TET3: variants seen among roughly 807,000 people sequenced by gnomAD.
TET3 encodes the protein tet methylcytosine dioxygenase 3.
In TET3, 19 loss-of-function variants were observed where a neutral mutation model predicts 141.4. The ratio of observed to expected loss-of-function variants is 0.13; its 90% CI spans 0.09 to 0.20. The LOEUF (loss-of-function observed/expected upper bound fraction) is 0.20. Among genes scored for constraint, TET3 ranks in the 10% least tolerant of loss-of-function variants. The pLI is 1.00. For missense variants in TET3, 1,874 were observed against 2,356.9 expected (o/e 0.80, Z 4.24); for synonymous variants, 1,043 against 980.9 (o/e 1.06, Z -1.18).
intron 3 of TET3, among the ~76,000 whole-genome samples, chr2:74,035,586 G>A (rs1055946130): frequency 1.3e-4 from 19 of 151,976 alleles, no homozygotes; most frequent in African/African-American, 4.4e-4. Context: ...AATGAGCTGG[G>A]CATGGTGGTG....
intron 6 of TET3, among the ~76,000 whole-genome samples, chr2:74,085,769 C>T (rs773701851): frequency 6.6e-6 from 1 of 152,182 alleles, no homozygotes; most frequent in Non-Finnish European, 1.5e-5. Flanking sequence ...AGTACAGGTC[C>T]GCACCCTGGG....
chr2:74,105,393 A>C lies in TET3; in HGVS notation c.*3217A>C, dbSNP rs1691438006. On this transcript the variant is annotated 3_prime_UTR_variant, in exon 12 of 12. Coordinates refer to ENST00000409262, the MANE Select transcript of TET3 (RefSeq NM_001287491.2). The stretch of plus-strand genomic sequence containing the variant: ...TGTGCTACGAGATTTTTAAAATAAA[A>C]ATCGCTTCGCAGCAGGTTCTCACAA... The C allele has an allele frequency of 1.5e-5, 6 of 398,618 alleles. No individual in the cohort carries two copies. In the East Asian group the frequency reaches 2.1e-4, roughly 14 times the overall value. The allele number at this position is 398,618 out of a possible 1,614,324, so 24.7% of individuals were successfully genotyped here. A position where few individuals can be genotyped will look rare whatever the true frequency, so the allele number is the denominator to read the frequency against.
intron 3 of TET3, among the ~76,000 whole-genome samples, chr2:74,043,099 A>C (rs1182725405): frequency 6.6e-6 from 1 of 152,144 alleles, no homozygotes; most frequent in Non-Finnish European, 1.5e-5. Context: ...TCTCCCTGAC[A>C]CTGTTTTTGT....
intron 3 of TET3, among the ~76,000 whole-genome samples, chr2:74,040,524 C>G (rs1573762602): frequency 6.6e-6 from 1 of 152,008 alleles, no homozygotes; most frequent in Admixed American, 6.6e-5. Flanking sequence ...AGGGAGAGTT[C>G]AGTTCTGTTT....
Position 74,102,443 on chromosome 2 carries a change from A to C in TET3, c.*267A>C. On this transcript the variant is annotated 3_prime_UTR_variant, in exon 12 of 12. Coordinates refer to ENST00000409262, the MANE Select transcript of TET3 (RefSeq NM_001287491.2). ...CGTGATCTTAATATTTATATCTCCA[A>C]GTTGTCCCCCCCCCTTGTCTGGGGG... The C allele has an allele frequency of 3.2e-6, 1 of 317,276 alleles. No individual in the cohort carries two copies. The highest frequency in any genetic ancestry group is 5.5e-6 in the Non-Finnish European group (1 of 183,250). The allele number at this position is 317,276 out of a possible 1,614,324, so 19.7% of individuals were successfully genotyped here.
At chr2:74,064,091 G>A (rs771671485) in intron 4 of TET3, among the ~76,000 whole-genome samples, 3 of 152,262 alleles carry the variant, frequency 2.0e-5, no homozygotes, top group Admixed American at 6.5e-5. Context: ...TCAGTTGGAA[G>A]AAGTGTGAGC....
chr2:74,027,993 T>G (rs1229801756), intron 3 of TET3, among the ~76,000 whole-genome samples: 2 of 151,750 alleles, frequency 1.3e-5, no homozygotes, highest in Non-Finnish European at 2.9e-5. Context: ...TTTTTTCACT[T>G]TTTTTTTAAG....
At chr2:74,080,695 A>T in intron 6 of TET3, 104 bp downstream of exon 6, 31 of 171,820 alleles carry the variant, frequency 1.8e-4, no homozygotes, top group Non-Finnish European at 3.2e-4. Flanking sequence ...TGAGCAGGCG[A>T]GGGCGGGGGG....
intron 3 of TET3, among the ~76,000 whole-genome samples, chr2:74,014,569 CT>C (rs1685633698): frequency 6.6e-6 from 1 of 151,754 alleles, no homozygotes; most frequent in Non-Finnish European, 1.5e-5. Context: ...TTTTCTTTTT[CT>C]TTTTTACCCT....
chr2:74,081,007 G>T (rs1174205993), intron 6 of TET3, among the ~76,000 whole-genome samples: 2 of 152,182 alleles, frequency 1.3e-5, no homozygotes, highest in African/African-American at 4.8e-5. Flanking sequence ...ATGTGCCCTG[G>T]AGCTGCCAGT....
intron 2 of TET3, among the ~76,000 whole-genome samples, chr2:73,996,596 A>T (rs528318423): frequency 6.6e-6 from 1 of 152,112 alleles, no homozygotes; most frequent in Admixed American, 6.5e-5. Flanking sequence ...GCTACCTCCA[A>T]TCCTGGATTT....
Position 74,080,552 on chromosome 2 carries a change from G to C in TET3, c.2640G>C (p.Lys880Asn), listed in dbSNP as rs189016955. The C allele has an allele frequency of 6.2e-7, 1 of 1,613,638 alleles. No homozygotes were observed. The highest frequency in any genetic ancestry group is 8.5e-7 in the Non-Finnish European group (1 of 1,179,732). The change falls in exon 6 of 12, where the codon AAG becomes AAC. Residue 880 changes from lysine to asparagine, a missense_variant. Lys to Asn is a moderately conservative substitution (Grantham distance 94). Transcript: ENST00000409262. ...IRIEKVIYTG[K>N]EGKSSRGCPI... Reference sequence around the variant, plus strand: ...TCGAGAAGGTCATCTACACGGGGAAGGAGGGAAAGAGCTCCCGCGGTTGCC... The same window carrying C: ...TCGAGAAGGTCATCTACACGGGGAACGAGGGAAAGAGCTCCCGCGGTTGCC...
In TET3 at chr2:74,046,511, C is replaced by T. The variant is rs372717232; in HGVS notation, c.594C>T (p.His198=). ...ATACTGCTCGCCTGGAAGATGCCCA[C>T]GATCTGGTGGCCTTTTCGGCTGTGG... The part of the protein sequence containing the change: ...PAHTARLEDA[H]DLVAFSAVAE... Residue 198 remains histidine, a synonymous_variant, in exon 4 of 12, where the codon CAC becomes CAT. Coordinates refer to ENST00000409262, the MANE Select transcript of TET3 (RefSeq NM_001287491.2). This position sits in a 1 kb window ranked among gnomAD's most constrained non-coding sequence, Gnocchi z 4.3. 9.3e-6 allele frequency: 15 copies of T among 1,613,974 alleles called. No individual in the cohort carries two copies. In the African/African-American group the frequency reaches 9.3e-5, roughly 10 times the overall value.
Position 73,986,186 on chromosome 2 carries a change from T to G in TET3, c.-218T>G. 2.6e-6 allele frequency: 1 copy of G among 383,164 alleles called. No homozygotes were observed. Among genetic ancestry groups the G allele is most frequent in the African/African-American group, 2.1e-5 (1 of 48,356 alleles). 23.7% of individuals were successfully genotyped at this position (383,164 alleles called of 1,614,324 possible). A position where few individuals can be genotyped will look rare whatever the true frequency, so the allele number is the denominator to read the frequency against. The stretch of plus-strand genomic sequence containing the variant: ...CCCCCAGATCCTGGGCCCCAGCAGG[T>G]GGGAGAGTGGCCCCCTACGGAGTCC... On this transcript the variant is annotated 5_prime_UTR_variant, in exon 2 of 12. Coordinates refer to ENST00000409262, the MANE Select transcript of TET3 (RefSeq NM_001287491.2).
the TET3 span, chr2:74,134,431 C>G: frequency 3.2e-6 from 1 of 307,976 alleles, no homozygotes; most frequent in Non-Finnish European, 6.5e-6. Context: ...AATGTATGAA[C>G]AGAATATTTG....
chr2:74,055,749 T>C (rs185239524), intron 4 of TET3, among the ~76,000 whole-genome samples: 6 of 152,310 alleles, frequency 3.9e-5, no homozygotes, highest in African/African-American at 1.2e-4. Context: ...TCCTCATGAA[T>C]GGATTAATTC....
At chr2:74,124,475 C>A in the TET3 span, among the ~76,000 whole-genome samples, 1 of 152,104 alleles carries the variant, frequency 6.6e-6, no homozygotes, top group South Asian at 2.1e-4. Flanking sequence ...ATGACGATGG[C>A]GGTTTTGTTG....
chr2:74,007,301 G>C (rs1438338643), intron 3 of TET3, among the ~76,000 whole-genome samples: 1 of 152,200 alleles, frequency 6.6e-6, no homozygotes, highest in Non-Finnish European at 1.5e-5. Context: ...CTCTGGCTCA[G>C]AGAACCTCAA....
intron 1 of TET3, among the ~76,000 whole-genome samples, chr2:73,985,557 C>T (rs1683978369): frequency 1.3e-5 from 2 of 148,590 alleles, no homozygotes; most frequent in Admixed American, 1.3e-4. Flanking sequence ...CGCGCCCCCA[C>T]CTCCAGGCGG....
Sources: allele counts gnomAD v4.1 joint callset (sites outside exome capture counted in the v4.1 genomes callset), GRCh38; gene constraint gnomAD v4.1.1; non-coding constraint Gnocchi (gnomAD v3.1); transcripts MANE v1.5; gene names NCBI Gene and HGNC (gene_info 2026-07-23, HGNC 2026-07-21).